Variants in BCAP29 observed in about 807,000 individuals in gnomAD.
The protein encoded by BCAP29 is B-cell receptor-associated protein 29.
BCAP29 carries 34 observed loss-of-function variants against 31.8 expected under a neutral mutation model. The ratio of observed to expected loss-of-function variants is 1.07; its 90% CI spans 0.81 to 1.42. The LOEUF (loss-of-function observed/expected upper bound fraction) is 1.42. Among genes scored for constraint, BCAP29 ranks in the 40% most tolerant of loss-of-function variants. The pLI, the probability that BCAP29 is intolerant of heterozygous loss-of-function variation, is 0.00. For missense variants in BCAP29, 314 were observed against 269.2 expected, an observed-to-expected ratio of 1.17 and a Z score of -1.16; for synonymous variants, 104 against 91.3, an observed-to-expected ratio of 1.14 and a Z score of -0.79.
chr7:107,614,204 T>C (rs80053873), intron 7 of BCAP29, among the ~76,000 whole-genome samples: 3,375 of 152,302 alleles, frequency 0.022, 125 homozygotes, highest in African/African-American at 0.077. Flanking sequence ...TTACAAATAA[T>C]AGCTTTTTAT....
At chr7:107,611,704 C>T (rs950197906) in intron 6 of BCAP29, among the ~76,000 whole-genome samples, 6 of 152,174 alleles carry the variant, frequency 3.9e-5, no homozygotes, top group African/African-American at 1.2e-4. Context: ...GTCTTCCATA[C>T]CTGACTCATA....
chr7:107,608,172 A>T (rs894029090), intron 6 of BCAP29, among the ~76,000 whole-genome samples: 3 of 151,734 alleles, frequency 2.0e-5, no homozygotes, highest in African/African-American at 7.3e-5. Context: ...CACTTCAGAA[A>T]TGGGGATCAG....
intron 3 of BCAP29, among the ~76,000 whole-genome samples, chr7:107,586,025 T>C (rs4727684): frequency 0.76 from 115,991 of 151,986 alleles, 44,844 homozygotes; most frequent in African/African-American, 0.9. Context: ...CTCGCTTGAC[T>C]AAAAAAGGAA....
intron 2 of BCAP29, 80 bp downstream of exon 2, chr7:107,580,944 A>G: frequency 1.0e-6 from 1 of 997,028 alleles, no homozygotes; most frequent in South Asian, 1.8e-5. Context: ...TGAACATTAA[A>G]AAGTTTCGAA....
intron 3 of BCAP29, chr7:107,587,527 A>G (rs1807922960): frequency 6.6e-6 from 1 of 152,200 alleles, no homozygotes; most frequent in Admixed American, 6.5e-5. Flanking sequence ...AATAAGTCGT[A>G]AATATATATT....
chr7:107,620,415 T>G lies in BCAP29; in HGVS notation c.*2052T>G, dbSNP rs1482398073. On this transcript the variant is annotated 3_prime_UTR_variant, in exon 8 of 8. Coordinates refer to ENST00000005259, the MANE Select transcript of BCAP29 (RefSeq NM_018844.4). ...TGTTTGGTAGTTTTTCCTAGTACTC[T>G]CCTTAATAATGGTGGTGTTTAGCAA... The G allele has an allele frequency of 6.6e-6, 1 of 152,210 alleles. No individual in the cohort carries two copies. The highest frequency in any genetic ancestry group is 1.5e-5 in the Non-Finnish European group (1 of 68,050). The allele number at this position is 152,210 out of a possible 1,614,324, so 9.4% of individuals were successfully genotyped here.
In BCAP29 at chr7:107,583,957, C is replaced by T. The variant is rs1332731797; in HGVS notation, c.168C>T (p.Ile56=). The change falls in exon 3 of 8, where the codon ATC becomes ATT. Residue 56 remains isoleucine, a synonymous_variant. Coordinates refer to ENST00000005259, the MANE Select transcript of BCAP29 (RefSeq NM_018844.4). ...GGAACAAGGCTTTCCTTACCATTAT[C>T]ATCCTATTGATTGTTCTATTTCTAG... ...TFWNKAFLTI[I]ILLIVLFLDA... is the part of the protein sequence containing the mutation. 16 of 1,576,534 alleles carry T rather than the reference C, an allele frequency of 1.0e-5. No individual in the cohort carries two copies. The highest frequency in any genetic ancestry group is 1.8e-5 in the Admixed American group (1 of 56,618).
chr7:107,595,203 C>G (rs1809598034), intron 4 of BCAP29, among the ~76,000 whole-genome samples: 1 of 152,180 alleles, frequency 6.6e-6, no homozygotes, highest in Non-Finnish European at 1.5e-5. Flanking sequence ...TAGGTCTTCT[C>G]TTACAGGTGC....
At chr7:107,616,634 G>A (rs1562800859) in intron 7 of BCAP29, among the ~76,000 whole-genome samples, 1 of 152,104 alleles carries the variant, frequency 6.6e-6, no homozygotes, top group African/African-American at 2.4e-5. Context: ...ATTATGTCCT[G>A]ACTGGTTACA....
At chr7:107,621,996 C>T (rs573239622), downstream of BCAP29, 50 of 473,186 alleles carry the variant, frequency 1.1e-4, no homozygotes, top group Non-Finnish European at 2.1e-4. Context: ...AACACCACTC[C>T]GTCTTCCCCA....
intron 4 of BCAP29, 38 bp from the exon 5 acceptor site, chr7:107,595,829 A>G (rs1224217333): frequency 1.3e-6 from 2 of 1,578,610 alleles, no homozygotes; most frequent in African/African-American, 2.8e-5. Context: ...GTTTCTGGTG[A>G]TTGGCCAGTA....
At chr7:107,592,277 G>T (rs1809009813) in intron 3 of BCAP29, among the ~76,000 whole-genome samples, 3 of 152,094 alleles carry the variant, frequency 2.0e-5, no homozygotes, top group Admixed American at 2.0e-4. Context: ...ATGGGTAAAG[G>T]ATCTGAATAG....
chr7:107,585,372 A>G (rs975766896), intron 3 of BCAP29, among the ~76,000 whole-genome samples: 1 of 152,228 alleles, frequency 6.6e-6, no homozygotes, highest in Non-Finnish European at 1.5e-5. Flanking sequence ...TCTTTTCAAG[A>G]TGTAAATATT....
downstream of BCAP29, chr7:107,623,315 GTC>G (rs1279625287): frequency 6.6e-6 from 1 of 152,112 alleles, no homozygotes; most frequent in South Asian, 2.1e-4. Context: ...ATCCTCTACT[GTC>G]TCTGCATGCT....
intron 2 of BCAP29, 74 bp downstream of exon 2, chr7:107,580,938 C>T: frequency 1.7e-6 from 2 of 1,146,984 alleles, no homozygotes; most frequent in South Asian, 3.2e-5. Context: ...GTTTTCTGAA[C>T]ATTAAAAAGT....
In BCAP29 at chr7:107,613,409, C is replaced by G. The variant is rs773979440; in HGVS notation, c.667C>G (p.Leu223Val). 1.9e-6 allele frequency: 3 copies of G among 1,610,636 alleles called. No individual in the cohort carries two copies. In the South Asian group the frequency reaches 3.3e-5, roughly 18 times the overall value. The change falls in exon 7 of 8, where the codon CTG becomes GTG. Residue 223 changes from leucine to valine, a missense_variant. Transcript: ENST00000005259. ...ACTTTCGAAAGAATATGATCAACTC[C>G]TGAAAGAACACTCTGAACTTCAGGT... ...ERLSKEYDQL[L>V]KEHSELQDRL...
chr7:107,593,841 T>C (rs978074506), intron 3 of BCAP29, 114 bp from the exon 4 acceptor site: 4 of 1,049,334 alleles, frequency 3.8e-6, no homozygotes, highest in African/African-American at 1.6e-5. Flanking sequence ...AGGTCGCCTC[T>C]GCCTAAAGTC....
chr7:107,595,746 G>A (rs1809692263), intron 4 of BCAP29, 121 bp from the exon 5 acceptor site: 2 of 1,050,628 alleles, frequency 1.9e-6, no homozygotes, highest in African/African-American at 3.4e-5. Flanking sequence ...AATGGGTTCT[G>A]CCTAAACATT....
chr7:107,588,788 AG>A (rs1808189266), intron 3 of BCAP29, among the ~76,000 whole-genome samples: 3 of 152,378 alleles, frequency 2.0e-5, no homozygotes, highest in East Asian at 3.9e-4. Flanking sequence ...GAACCCAAAA[AG>A]GGAACCCCAA....
Sources: allele counts gnomAD v4.1 joint callset (sites outside exome capture counted in the v4.1 genomes callset), GRCh38; gene constraint gnomAD v4.1.1; transcripts MANE v1.5; gene names NCBI Gene and HGNC (gene_info 2026-07-23, HGNC 2026-07-21).